The following PTPRM variants were observed in gnomAD, a reference collection of about 807,000 sequenced individuals.
PTPRM encodes protein tyrosine phosphatase receptor type M.
A neutral mutation model predicts 186.7 loss-of-function variants in PTPRM; 47 were observed. That is an observed-to-expected ratio of 0.25 (90% CI 0.20 to 0.32). PTPRM has a LOEUF of 0.32. PTPRM is among the 10% of genes least tolerant of loss of function. PTPRM has a pLI of 1.00. For missense variants in PTPRM, 1,494 were observed against 1,865.0 expected (o/e 0.80, Z 3.66); for synonymous variants, 668 against 674.9 (o/e 0.99, Z 0.16).
At chr18:7,617,451 C>T (rs1487810838) in intron 1 of PTPRM, among the ~76,000 whole-genome samples, 3 of 152,100 alleles carry the variant, frequency 2.0e-5, no homozygotes, top group African/African-American at 4.8e-5. Flanking sequence ...AATCTGTAAG[C>T]TCTTTAAAGG....
intron 1 of PTPRM, among the ~76,000 whole-genome samples, chr18:7,771,380 G>A (rs1346536518): frequency 1.3e-5 from 2 of 152,274 alleles, no homozygotes; most frequent in African/African-American, 2.4e-5. Context: ...GTTTGCAACC[G>A]AGAGACAATA....
At chr18:8,359,431 A>G (rs1202025447) in intron 23 of PTPRM, among the ~76,000 whole-genome samples, 1 of 152,236 alleles carries the variant, frequency 6.6e-6, no homozygotes, top group Non-Finnish European at 1.5e-5. Context: ...CTAGCCTTCA[A>G]TGGACACTCT....
At chr18:7,864,349 A>G (rs1367247230) in intron 2 of PTPRM, among the ~76,000 whole-genome samples, 1 of 152,114 alleles carries the variant, frequency 6.6e-6, no homozygotes, top group Non-Finnish European at 1.5e-5. Context: ...TTAAGTTTTT[A>G]ATCCATTTTG....
At position 8,406,752 on chromosome 18, in the gene PTPRM, A is replaced by T. The variant is rs1183313381; in HGVS notation, c.*590A>T. 1 of 152,256 alleles carries T rather than the reference A, an allele frequency of 6.6e-6. No individual in the cohort carries two copies. Among genetic ancestry groups the T allele is most frequent in the Non-Finnish European group, 1.5e-5 (1 of 68,068 alleles). The allele number at this position is 152,256 out of a possible 1,614,324, so 9.4% of individuals were successfully genotyped here. Reference sequence around the variant, plus strand: ...GGAGGACTCAGTTCACAAAATGCAAAACTCAACGATCAGATTCACGGACCC... The same window carrying T: ...GGAGGACTCAGTTCACAAAATGCAATACTCAACGATCAGATTCACGGACCC... On this transcript the variant is annotated 3_prime_UTR_variant, in exon 33 of 33. Coordinates refer to ENST00000580170, the MANE Select transcript of PTPRM (RefSeq NM_001105244.2).
chr18:7,694,557 G>T (rs1408132837), intron 1 of PTPRM, among the ~76,000 whole-genome samples: 4 of 151,744 alleles, frequency 2.6e-5, no homozygotes, highest in African/African-American at 9.7e-5. Context: ...CTCCCAAGTA[G>T]TTGGGATTAC....
At position 8,149,120 on chromosome 18, in the gene PTPRM, A is replaced by G. The variant is rs1600845246; in HGVS notation, c.2300+5341A>G. On this transcript the variant is annotated intron_variant, in intron 14 of 32. Coordinates refer to ENST00000580170, the MANE Select transcript of PTPRM (RefSeq NM_001105244.2). ...TGTGATGAGGTGAAAAGAAGAATGC[A>G]TATTCTGTTGATTTGGGGTGGAGAG... Among the ~76,000 whole-genome samples the G allele has an allele frequency of 3.3e-5, 5 of 152,262 alleles. No individual in the cohort carries two copies. In the South Asian group the frequency reaches 1.0e-3, roughly 32 times the overall value.
At chr18:7,981,716 A>G (rs959257565) in intron 7 of PTPRM, among the ~76,000 whole-genome samples, 2 of 152,196 alleles carry the variant, frequency 1.3e-5, no homozygotes, top group Non-Finnish European at 2.9e-5. Flanking sequence ...TGAACATCAT[A>G]GAGTGTACTT....
chr18:8,268,210 A>G (rs1216739568), intron 19 of PTPRM, among the ~76,000 whole-genome samples: 1 of 152,142 alleles, frequency 6.6e-6, no homozygotes, highest in African/African-American at 2.4e-5. Flanking sequence ...CCTATCCATT[A>G]ATATGGTTTA....
intron 14 of PTPRM, among the ~76,000 whole-genome samples, chr18:8,205,969 A>G (rs2093922074): frequency 6.6e-6 from 1 of 152,156 alleles, no homozygotes; most frequent in Non-Finnish European, 1.5e-5. Flanking sequence ...GGTCTGTGAA[A>G]TGTGGGAAAT....
chr18:7,882,989 G>C (rs1181497662), intron 2 of PTPRM, among the ~76,000 whole-genome samples: 1 of 152,214 alleles, frequency 6.6e-6, no homozygotes, highest in Non-Finnish European at 1.5e-5. Context: ...TCTTATCAAA[G>C]AGTTTTCCTT....
chr18:8,340,910 T>C (rs1200469106), intron 22 of PTPRM, among the ~76,000 whole-genome samples: 2 of 152,032 alleles, frequency 1.3e-5, no homozygotes, highest in African/African-American at 4.8e-5. Context: ...GCAGCTAGAG[T>C]TGAGAAACAT....
intron 22 of PTPRM, among the ~76,000 whole-genome samples, chr18:8,333,893 G>A (rs1051329448): frequency 2.6e-5 from 4 of 152,100 alleles, no homozygotes; most frequent in East Asian, 1.9e-4. Context: ...CCAGAACCAC[G>A]CTAGAAACAA....
chr18:8,195,148 A>G (rs1233280476), intron 14 of PTPRM, among the ~76,000 whole-genome samples: 1 of 144,894 alleles, frequency 6.9e-6, no homozygotes, highest in Non-Finnish European at 1.5e-5. Flanking sequence ...AGCTCTTAGA[A>G]GTTCTTTTTT....
chr18:8,054,123 A>T (rs990721522), intron 7 of PTPRM, among the ~76,000 whole-genome samples: 1 of 151,716 alleles, frequency 6.6e-6, no homozygotes, highest in Non-Finnish European at 1.5e-5. Flanking sequence ...ACTGTACTGA[A>T]TGGAACCTCC....
intron 14 of PTPRM, among the ~76,000 whole-genome samples, chr18:8,221,527 A>G (rs1009456952): frequency 1.3e-5 from 2 of 152,230 alleles, no homozygotes; most frequent in African/African-American, 4.8e-5. Context: ...CAATGCTGCC[A>G]TGAGGTTGGA....
intron 20 of PTPRM, among the ~76,000 whole-genome samples, chr18:8,302,989 A>G (rs2095176575): frequency 6.6e-6 from 1 of 152,108 alleles, no homozygotes; most frequent in Admixed American, 6.5e-5. Flanking sequence ...TCTGAAAGAG[A>G]GGGATCTGGG....
At chr18:8,173,023 A>G (rs985864552) in intron 14 of PTPRM, among the ~76,000 whole-genome samples, 2 of 152,212 alleles carry the variant, frequency 1.3e-5, no homozygotes, top group African/African-American at 4.8e-5. Context: ...AACTGTACTC[A>G]GTTCAGGGAT....
intron 2 of PTPRM, among the ~76,000 whole-genome samples, chr18:7,829,191 G>T (rs1376121132): frequency 2.0e-5 from 3 of 152,192 alleles, no homozygotes; most frequent in African/African-American, 7.2e-5. Context: ...ATGGTTCAAA[G>T]CACTTCTGTT....
chr18:8,314,765 C>G lies in PTPRM; in HGVS notation c.2843-16C>G. 1 of 1,605,678 alleles carries G rather than the reference C, an allele frequency of 6.2e-7. No homozygotes were observed. The highest frequency in any genetic ancestry group is 8.5e-7 in the Non-Finnish European group (1 of 1,173,916). On this transcript the variant is annotated splice_polypyrimidine_tract_variant and intron_variant, in intron 20 of 32. Coordinates refer to ENST00000580170, the MANE Select transcript of PTPRM (RefSeq NM_001105244.2). ...GCTTTTGTTAATCGTTATTTTCTGT[C>G]CCTTTTCCTTTGCAGACGATCATTC...
Sources: gnomAD v4.1 joint callset for allele counts (sites outside exome capture counted in the v4.1 genomes callset) on GRCh38, gnomAD v4.1.1 for gene constraint, MANE v1.5 for transcripts, NCBI Gene and HGNC (gene_info 2026-07-23, HGNC 2026-07-21) for gene names.